Variants in FOLR2 observed in about 807,000 individuals in gnomAD.
FOLR2 encodes folate receptor beta, also known as folate receptor 2 (fetal).
In FOLR2, 14 loss-of-function variants were observed where a neutral mutation model predicts 20.4. The observed-to-expected ratio is 0.68, with a 90% CI of 0.45 to 1.07. FOLR2 has a LOEUF of 1.07. Ranked by LOEUF, FOLR2 falls within the 50% of genes least tolerant of loss-of-function variation. The probability of loss-of-function intolerance (pLI) is 0.00; values close to 1 mark genes in which losing one functional copy is unlikely to be tolerated. For synonymous variants in FOLR2, 114 were observed against 114.3 expected, an observed-to-expected ratio of 1.00 and a Z score of 0.02; for missense variants, 269 against 322.6, an observed-to-expected ratio of 0.83 and a Z score of 1.27.
Position 72,221,067 on chromosome 11 carries a change from T to TCGGGGGGGGGGCGCCC in FOLR2, c.339+10_339+11insGGGGGGGGGGCGCCCC. The TCGGGGGGGGGGCGCCC allele has an allele frequency of 6.4e-7, 1 of 1,570,100 alleles. No individual in the cohort carries two copies. The highest frequency in any genetic ancestry group is 8.7e-7 in the Non-Finnish European group (1 of 1,154,896). On this transcript the variant is annotated intron_variant, in intron 3 of 4. Coordinates refer to ENST00000298223, the MANE Select transcript of FOLR2 (RefSeq NM_000803.5). ...GGCCCTGGATCCAGCAGGTAGGGTG[T>TCGGGGGGGGGGCGCCC]CTCCCCCCCACCCACCCCAGCAGAC...
Position 72,221,737 on chromosome 11 carries a change from T to A in FOLR2, c.743T>A (p.Met248Lys). 1 of 1,613,838 alleles carries A rather than the reference T, an allele frequency of 6.2e-7. No individual in the cohort carries two copies. The highest frequency in any genetic ancestry group is 1.1e-5 in the South Asian group (1 of 91,086). Residue 248 changes from methionine to lysine, a missense_variant, in exon 5 of 5, where the codon ATG becomes AAG. Physicochemically the swap from Met to Lys is moderately conservative, Grantham distance 95 (BLOSUM62 -1). Coordinates refer to ENST00000298223, the MANE Select transcript of FOLR2 (RefSeq NM_000803.5). ...TGGLLLSLAL[M>K]LQLWLLG ...GGTCTCCTGCTCAGTCTGGCCCTGA[T>A]GCTGCAACTCTGGCTCCTTGGCTGA... is the stretch of plus-strand genomic sequence containing the variant.
intron 1 of FOLR2, chr11:72,217,216 G>A: frequency 1.2e-5 from 6 of 506,826 alleles, no homozygotes; most frequent in Non-Finnish European, 1.7e-5. Flanking sequence ...GTAGAGACGG[G>A]GTTTCATCAT....
At chr11:72,218,481 G>C in intron 1 of FOLR2, 80 bp from the exon 2 acceptor site, 2 of 1,303,096 alleles carry the variant, frequency 1.5e-6, no homozygotes, top group Admixed American at 2.0e-5. Flanking sequence ...CCACCGTAGG[G>C]TTGGGGAGAC....
At position 72,221,720 on chromosome 11, in the gene FOLR2, G is replaced by A. The variant is rs1436177847; in HGVS notation, c.726G>A (p.Leu242=). The A allele has an allele frequency of 6.2e-7, 1 of 1,613,984 alleles. No individual in the cohort carries two copies. Residue 242 remains leucine (L), a synonymous_variant, in exon 5 of 5, where the codon CTG becomes CTA. Coordinates refer to ENST00000298223, the MANE Select transcript of FOLR2 (RefSeq NM_000803.5). ...TGCTTCATGGGACTGGGGGTCTCCT[G>A]CTCAGTCTGGCCCTGATGCTGCAAC... ...GEMLHGTGGL[L]LSLALMLQLW...
chr11:72,221,663 T>C lies in FOLR2; in HGVS notation c.669T>C (p.Tyr223=). The change falls in exon 5 of 5, where the codon TAT becomes TAC. Residue 223 remains tyrosine, a synonymous_variant. Coordinates refer to ENST00000298223, the MANE Select transcript of FOLR2 (RefSeq NM_000803.5). The stretch of plus-strand genomic sequence containing the variant: ...CCAACGAGGAAGTGGCGAGGTTCTA[T>C]GCTGCAGCCATGCATGTGAATGCTG... The part of the protein sequence containing the change: ...GNPNEEVARF[Y]AAAMHVNAGE... 1 of 1,614,224 alleles carries C rather than the reference T, an allele frequency of 6.2e-7. No homozygotes were observed. Among genetic ancestry groups the C allele is most frequent in the Non-Finnish European group, 8.5e-7 (1 of 1,180,032 alleles).
chr11:72,221,653 C>A lies in FOLR2; in HGVS notation c.659C>A (p.Ala220Glu). 1.9e-6 allele frequency: 3 copies of A among 1,614,196 alleles called. 1 individual carries two copies. The highest frequency in any genetic ancestry group is 2.2e-5 in the South Asian group (2 of 91,082). ...SAQGNPNEEV[A>E]RFYAAAMHVN... ...CAGGGCAACCCCAACGAGGAAGTGG[C>A]GAGGTTCTATGCTGCAGCCATGCAT... Residue 220 changes from alanine to glutamate, a missense_variant, in exon 5 of 5, where the codon GCG (alanine) becomes GAG (glutamate). By Grantham distance (107) the Ala-to-Glu change is moderately radical. Transcript: ENST00000298223.
Position 72,220,962 on chromosome 11 carries a change from C to T in FOLR2, c.243C>T (p.Asp81=), listed in dbSNP as rs140123489. 101 of 1,613,994 alleles carry T rather than the reference C, an allele frequency of 6.3e-5. No individual in the cohort carries two copies. Among genetic ancestry groups the T allele is most frequent in the East Asian group, 3.3e-4 (15 of 44,886 alleles). Residue 81 remains aspartate (D), a synonymous_variant, in exon 3 of 5, where the codon GAC becomes GAT. Transcript: ENST00000298223. ...CCCGCCTGTACAACTTTAACTGGGA[C>T]CACTGCGGCAAGATGGAGCCCGCCT... ...DTSRLYNFNW[D]HCGKMEPACK... is the part of the protein sequence containing the mutation.
In FOLR2 at chr11:72,221,067, T is replaced by TCGGGGGGGGGGGGGGGCCCCCCCC; in HGVS notation, c.339+10_339+11insGGGGGGGGGGGGGGGCCCCCCCCC. 3.8e-6 allele frequency: 6 copies of TCGGGGGGGGGGGGGGGCCCCCCCC among 1,570,018 alleles called. No homozygotes were observed. Among genetic ancestry groups the TCGGGGGGGGGGGGGGGCCCCCCCC allele is most frequent in the African/African-American group, 1.4e-5 (1 of 71,414 alleles). ...GGCCCTGGATCCAGCAGGTAGGGTG[T>TCGGGGGGGGGGGGGGGCCCCCCCC]CTCCCCCCCACCCACCCCAGCAGAC... On this transcript the variant is annotated intron_variant, in intron 3 of 4. Coordinates refer to ENST00000298223, the MANE Select transcript of FOLR2 (RefSeq NM_000803.5).
At chr11:72,221,349 T>A (rs1354889401) in intron 4 of FOLR2, 38 bp downstream of exon 4, 1 of 1,605,242 alleles carries the variant, frequency 6.2e-7, no homozygotes, top group Non-Finnish European at 8.5e-7. Flanking sequence ...AAAAGGAGAT[T>A]GAGGTAGGGT....
chr11:72,218,318 G>A (rs1364017640), intron 1 of FOLR2, among the ~76,000 whole-genome samples: 2 of 152,196 alleles, frequency 1.3e-5, no homozygotes, highest in Non-Finnish European at 2.9e-5. Flanking sequence ...CCTCCAAATT[G>A]GGAAGACTCC....
In FOLR2 at chr11:72,218,522, G is replaced by A. The variant is rs138184997; in HGVS notation, c.-24-39G>A. ...CAGGAGGTGAATGGGCTCCCAGCTT[G>A]GAGCCCTTTCCCCTCAGGACTTGGT... On this transcript the variant is annotated intron_variant, in intron 1 of 4. Coordinates refer to ENST00000298223, the MANE Select transcript of FOLR2 (RefSeq NM_000803.5). 348 of 1,572,948 alleles carry A rather than the reference G, an allele frequency of 2.2e-4. 2 individuals carry two copies. In the African/African-American group the frequency reaches 4.1e-3, roughly 19 times the overall value.
intron 2 of FOLR2, among the ~76,000 whole-genome samples, chr11:72,220,445 C>T (rs1401273113): frequency 1.3e-5 from 2 of 152,152 alleles, no homozygotes; most frequent in African/African-American, 4.8e-5. Flanking sequence ...AAGTTTCTTA[C>T]TGTCTGTCTC....
chr11:72,216,817 C>A lies in FOLR2; in HGVS notation c.-133C>A. The A allele has an allele frequency of 7.0e-7, 1 of 1,438,212 alleles. No homozygotes were observed. The highest frequency in any genetic ancestry group is 9.7e-7 in the Non-Finnish European group (1 of 1,035,448). The allele number at this position is 1,438,212 out of a possible 1,614,324, so 89.1% of individuals were successfully genotyped here. On this transcript the variant is annotated 5_prime_UTR_variant, in exon 1 of 5. Transcript: ENST00000298223. ...CCAGAGCGCGTTGTCTACCCTGTACCGAAGACAGAGGCTGTGGGGACAGCC... is the reference window on the plus strand; with the variant it reads ...CCAGAGCGCGTTGTCTACCCTGTACAGAAGACAGAGGCTGTGGGGACAGCC...
intron 2 of FOLR2, among the ~76,000 whole-genome samples, chr11:72,219,363 T>TA (rs1448778326): frequency 6.6e-6 from 1 of 152,216 alleles, no homozygotes; most frequent in Non-Finnish European, 1.5e-5. Context: ...GATTTTTTTT[T>TA]AGATTCTCTT....
At chr11:72,220,286 T>A (rs564805106) in intron 2 of FOLR2, among the ~76,000 whole-genome samples, 50 of 152,350 alleles carry the variant, frequency 3.3e-4, no homozygotes, top group African/African-American at 1.2e-3. Flanking sequence ...GCTCGCTCCC[T>A]CTCTTCCTTT....
At chr11:72,218,505 G>A (rs1301727895) in intron 1 of FOLR2, 56 bp from the exon 2 acceptor site, 25 of 1,513,088 alleles carry the variant, frequency 1.7e-5, no homozygotes, top group Non-Finnish European at 2.2e-5. Context: ...GGCAGGAGGT[G>A]AATGGGCTCC....
chr11:72,217,480 A>T, intron 1 of FOLR2: 1 of 968,408 alleles, frequency 1.0e-6, no homozygotes. Context: ...AGTATCCATT[A>T]TCCACTCTTT....
At chr11:72,219,849 CTT>C (rs774060157) in intron 2 of FOLR2, among the ~76,000 whole-genome samples, 24 of 140,522 alleles carry the variant, frequency 1.7e-4, no homozygotes, top group South Asian at 9.1e-4. Context: ...CTTTTGCTTA[CTT>C]TTTTTTTTTT....
intron 1 of FOLR2, among the ~76,000 whole-genome samples, chr11:72,217,861 A>G (rs1332071999): frequency 6.6e-6 from 1 of 151,948 alleles, no homozygotes; most frequent in Non-Finnish European, 1.5e-5. Flanking sequence ...CCCAGTCTAT[A>G]TCATTCTCAT....
Sources: allele counts gnomAD v4.1 joint callset (sites outside exome capture counted in the v4.1 genomes callset), GRCh38; gene constraint gnomAD v4.1.1; transcripts MANE v1.5; gene names NCBI Gene and HGNC (gene_info 2026-07-23, HGNC 2026-07-21).